Variants in LRP1B observed in about 807,000 individuals in gnomAD.
The protein encoded by LRP1B is LDL receptor related protein 1B, also known as low-density lipoprotein receptor-related protein 1B.
LRP1B carries 217 observed loss-of-function variants against 556.6 expected under a neutral mutation model. The observed-to-expected ratio is 0.39, with a 90% CI of 0.35 to 0.44. The LOEUF is 0.44. Ranked by LOEUF, LRP1B falls within the 20% of genes least tolerant of loss-of-function variation. LRP1B has a pLI of 1.00. For missense variants in LRP1B, 5,053 were observed against 5,620.8 expected, an observed-to-expected ratio of 0.90 and a Z score of 3.23; for synonymous variants, 2,047 against 1,865.8, an observed-to-expected ratio of 1.10 and a Z score of -2.50.
chr2:141,972,099 G>A (rs1377326815), intron 1 of LRP1B, among the ~76,000 whole-genome samples: 1 of 151,450 alleles, frequency 6.6e-6, no homozygotes, highest in Non-Finnish European at 1.5e-5. Flanking sequence ...ATAACTTGAT[G>A]TTTGCAACTA....
chr2:141,108,443 G>A (rs62173713), intron 7 of LRP1B, among the ~76,000 whole-genome samples: 65,434 of 146,420 alleles, frequency 0.45, 15,038 homozygotes, highest in Middle Eastern at 0.55. Context: ...CCTCCTCCCA[G>A]GTTCAAGCGA....
intron 69 of LRP1B, 66 bp from the exon 70 acceptor site, chr2:140,371,351 TAAAC>T: frequency 1.3e-6 from 1 of 740,972 alleles, no homozygotes; most frequent in Non-Finnish European, 2.2e-6. Context: ...AATAAAAACA[TAAAC>T]ACATAAATAT....
At chr2:140,656,757 T>C (rs1354072437) in intron 41 of LRP1B, among the ~76,000 whole-genome samples, 1 of 152,128 alleles carries the variant, frequency 6.6e-6, no homozygotes, top group African/African-American at 2.4e-5. Flanking sequence ...TTTCAATAAC[T>C]TTTAACAACT....
intron 83 of LRP1B, among the ~76,000 whole-genome samples, chr2:140,312,743 G>T (rs991784992): frequency 6.6e-6 from 1 of 151,608 alleles, no homozygotes; most frequent in Non-Finnish European, 1.5e-5. Flanking sequence ...GTATCTTTTT[G>T]TATGAATATA....
At chr2:141,696,942 C>T (rs1049504578) in intron 2 of LRP1B, among the ~76,000 whole-genome samples, 10 of 151,778 alleles carry the variant, frequency 6.6e-5, no homozygotes, top group African/African-American at 9.7e-5. Context: ...AATAATAATA[C>T]GGTAATGTAA....
At chr2:140,666,313 C>CAT (rs72199172) in intron 41 of LRP1B, among the ~76,000 whole-genome samples, 15,740 of 151,588 alleles carry the variant, frequency 0.1, 959 homozygotes, top group East Asian at 0.25. Flanking sequence ...CACACACACA[C>CAT]ACACACACAC....
In LRP1B at chr2:140,350,990, C is replaced by T. The variant is rs550600330; in HGVS notation, c.11699G>A (p.Gly3900Asp). 5.6e-6 allele frequency: 9 copies of T among 1,602,904 alleles called. No individual in the cohort carries two copies. The South Asian group carries it at 7.7e-5, about 14-fold the overall frequency. Residue 3900 changes from glycine (G) to aspartate (D), a missense_variant, in exon 77 of 91, where the codon GGT (glycine) becomes GAT (aspartate). By Grantham distance (94) the Gly-to-Asp change is moderately conservative. Around this residue, in one of 5 missense-constraint regions of LRP1B, gnomAD observed 599 missense variants for 648.4 expected, o/e 0.92. Coordinates refer to ENST00000389484, the MANE Select transcript of LRP1B (RefSeq NM_018557.3). The stretch of plus-strand genomic sequence containing the variant: ...ACTGTAGTTGAATGGATATATAAAA[C>T]CCAGGATATCAGTGTCATTAGCAAT... ...LYIANDTDIL[G>D]FIYPFNYSGD... is the part of the protein sequence containing the mutation.
At chr2:141,105,157 G>T (rs1166433951) in intron 7 of LRP1B, among the ~76,000 whole-genome samples, 1 of 152,052 alleles carries the variant, frequency 6.6e-6, no homozygotes, top group Non-Finnish European at 1.5e-5. Flanking sequence ...TAGCTGGGAT[G>T]AAGACAATCA....
chr2:140,381,861 CAAAAAAAAA>C (rs56723132), intron 67 of LRP1B, among the ~76,000 whole-genome samples: 9,498 of 64,370 alleles, frequency 0.15, 408 homozygotes, highest in Middle Eastern at 0.26. Context: ...GGCTCCCTTT[CAAAAAAAAA>C]AAAAAAAAAA....
At position 140,586,133 on chromosome 2, in the gene LRP1B, T is replaced by C. The variant is rs535296186; in HGVS notation, c.7194+12498A>G. Among the ~76,000 whole-genome samples, 19 of 152,286 alleles carry C rather than the reference T, an allele frequency of 1.2e-4. No homozygotes were observed. The East Asian group carries it at 3.1e-3, about 25-fold the overall frequency. On this transcript the variant is annotated intron_variant, in intron 43 of 90. Transcript: ENST00000389484. ...GACTAGACAGACATTTCTTGATCCT[T>C]ATGTACAACTTAAAACTCTAGAAAT...
chr2:141,762,973 A>T (rs1372931451), intron 2 of LRP1B, among the ~76,000 whole-genome samples: 1 of 152,218 alleles, frequency 6.6e-6, no homozygotes, highest in Non-Finnish European at 1.5e-5. Context: ...CAATTAATGA[A>T]CCAGCTACGT....
chr2:140,287,143 G>C (rs1308740492), intron 84 of LRP1B, among the ~76,000 whole-genome samples: 1 of 151,790 alleles, frequency 6.6e-6, no homozygotes, highest in African/African-American at 2.4e-5. Flanking sequence ...TATTCTAGGA[G>C]TGTGAACTCA....
chr2:141,605,032 G>T (rs924085810), intron 2 of LRP1B, among the ~76,000 whole-genome samples: 1 of 152,016 alleles, frequency 6.6e-6, no homozygotes, highest in African/African-American at 2.4e-5. Context: ...CTTGCGGCAC[G>T]TAAGGTGGCC....
chr2:140,648,132 C>T lies in LRP1B; in HGVS notation c.6800-46493G>A, dbSNP rs558793536. 3.9e-5 allele frequency among the ~76,000 whole-genome samples: 6 copies of T among 152,242 alleles called. No individual in the cohort carries two copies. In the East Asian group the frequency reaches 1.2e-3, roughly 29 times the overall value. On this transcript the variant is annotated intron_variant, in intron 41 of 90. Transcript: ENST00000389484. ...CCATAGAAAAGGATGAGTTCACGTCCTTTGTAGGGACATGGATGAAGCTAG... is the reference window on the plus strand; with the variant it reads ...CCATAGAAAAGGATGAGTTCACGTCTTTTGTAGGGACATGGATGAAGCTAG...
chr2:140,803,773 G>T (rs1210955405), intron 32 of LRP1B, among the ~76,000 whole-genome samples: 2 of 151,954 alleles, frequency 1.3e-5, no homozygotes, highest in African/African-American at 4.8e-5. Context: ...GGACATTTCA[G>T]AATCTGATTG....
chr2:140,390,400 T>C (rs1191934743), intron 66 of LRP1B, among the ~76,000 whole-genome samples: 2 of 152,032 alleles, frequency 1.3e-5, no homozygotes, highest in Non-Finnish European at 2.9e-5. Context: ...AAACAAGTGG[T>C]TACCTCTATA....
chr2:141,069,992 C>T (rs2105481018), intron 7 of LRP1B, among the ~76,000 whole-genome samples: 1 of 143,118 alleles, frequency 7.0e-6, no homozygotes, highest in East Asian at 2.1e-4. Context: ...TGTGATGTTC[C>T]CCTTCCTGTG....
intron 11 of LRP1B, among the ~76,000 whole-genome samples, chr2:141,024,938 G>T (rs1698176355): frequency 6.6e-6 from 1 of 151,966 alleles, no homozygotes; most frequent in Non-Finnish European, 1.5e-5. Context: ...GTTTTCACTG[G>T]CAAGTGACTG....
intron 3 of LRP1B, among the ~76,000 whole-genome samples, chr2:141,262,490 C>T (rs903036529): frequency 2.6e-5 from 4 of 152,052 alleles, no homozygotes; most frequent in Non-Finnish European, 4.4e-5. Flanking sequence ...AATCCTGCTT[C>T]GGGAGTTCTA....
Sources: allele counts gnomAD v4.1 joint callset (sites outside exome capture counted in the v4.1 genomes callset), GRCh38; gene constraint gnomAD v4.1.1; regional missense constraint gnomAD v4.1.1; transcripts MANE v1.5; gene names NCBI Gene and HGNC (gene_info 2026-07-23, HGNC 2026-07-21).